THAP3: variants seen among roughly 807,000 people sequenced by gnomAD.
THAP3 encodes THAP domain-containing protein 3.
A neutral mutation model predicts 17.7 loss-of-function variants in THAP3; 12 were observed. The ratio of observed to expected loss-of-function variants is 0.68; its 90% CI spans 0.43 to 1.10. The LOEUF is 1.10. Ranked by LOEUF, THAP3 falls within the 50% of genes least tolerant of loss-of-function variation. THAP3 has a pLI of 0.00. For missense variants in THAP3, 289 were observed against 318.0 expected, an observed-to-expected ratio of 0.91 and a Z score of 0.69; for synonymous variants, 133 against 126.9, an observed-to-expected ratio of 1.05 and a Z score of -0.32.
intron 2 of THAP3, among the ~76,000 whole-genome samples, chr1:6,627,420 A>G (rs372556025): frequency 1.4e-3 from 212 of 152,340 alleles, no homozygotes; most frequent in African/African-American, 4.9e-3. Flanking sequence ...GGTGGAGTGC[A>G]GTGGCGCAGT....
Position 6,632,827 on chromosome 1 carries a change from C to T in THAP3, c.470C>T (p.Ala157Val). 2 of 1,612,976 alleles carry T rather than the reference C, an allele frequency of 1.2e-6. No individual in the cohort carries two copies. The highest frequency in any genetic ancestry group is 2.2e-5 in the South Asian group (2 of 91,090). ...VSPRRPQATEAVGRPTGPAGL... is the reference protein window; with the variant it reads ...VSPRRPQATEVVGRPTGPAGL... ...CCACGGAGGCCGCAAGCAACAGAGG[C>T]TGTTGGCCGGCCGACTGGCCCTGCA... The change falls in exon 6 of 6, where the codon GCT becomes GTT. Residue 157 changes from alanine to valine, a missense_variant. Coordinates refer to ENST00000054650, the MANE Select transcript of THAP3 (RefSeq NM_001195753.2).
Position 6,630,133 on chromosome 1 carries a change from G to A in THAP3, c.268-155G>A, listed in dbSNP as rs557556275. Among the ~76,000 whole-genome samples the A allele has an allele frequency of 1.1e-4, 17 of 152,378 alleles. No individual in the cohort carries two copies. The East Asian group carries it at 3.1e-3, about 28-fold the overall frequency. ...GAAGCGCACCAAGCGGGCAGTGTGA[G>A]TTGGGCTGAGCTTCAGGTCAGTTTC... On this transcript the variant is annotated intron_variant, in intron 3 of 5. Coordinates refer to ENST00000054650, the MANE Select transcript of THAP3 (RefSeq NM_001195753.2).
intron 2 of THAP3, 200 bp from the exon 3 acceptor site, chr1:6,628,299 T>G: frequency 1.9e-6 from 1 of 529,266 alleles, no homozygotes. Context: ...GCCATGCTCG[T>G]GGTCTCGGGT....
intron 3 of THAP3, among the ~76,000 whole-genome samples, chr1:6,629,910 C>T (rs905146495): frequency 6.6e-6 from 1 of 152,170 alleles, no homozygotes; most frequent in Non-Finnish European, 1.5e-5. Flanking sequence ...GTGGGCCCCA[C>T]CCCAGTGTGG....
In THAP3 at chr1:6,631,054, C is replaced by G. The variant is rs552411294; in HGVS notation, c.333+701C>G. Among the ~76,000 whole-genome samples, 9 of 152,122 alleles carry G rather than the reference C, an allele frequency of 5.9e-5. No individual in the cohort carries two copies. The East Asian group carries it at 1.7e-3, about 29-fold the overall frequency. On this transcript the variant is annotated intron_variant, in intron 4 of 5. Transcript: ENST00000054650. The stretch of plus-strand genomic sequence containing the variant: ...AGGGTCTCACTCTGTTGCTCAGGCT[C>G]TGTACAGTGGTGCAGTCATGGCTCG...
At chr1:6,625,785 T>C (rs1212199568) in intron 2 of THAP3, among the ~76,000 whole-genome samples, 5 of 151,912 alleles carry the variant, frequency 3.3e-5, no homozygotes, top group Admixed American at 2.6e-4. Flanking sequence ...CAATCGTCAT[T>C]AGTCACAGTT....
chr1:6,634,112 G>A (rs914010678), downstream of THAP3: 1 of 1,605,908 alleles, frequency 6.2e-7, no homozygotes, highest in Non-Finnish European at 8.5e-7. Context: ...GGCCTCTGGG[G>A]AAGGGGTTCC....
chr1:6,632,609 A>C, intron 5 of THAP3, 114 bp downstream of exon 5: 1 of 1,510,212 alleles, frequency 6.6e-7, no homozygotes, highest in Non-Finnish European at 9.0e-7. Flanking sequence ...CAGGGTGTGC[A>C]GCCTGGGTTT....
chr1:6,633,415 T>C lies in THAP3; in HGVS notation c.*338T>C. 1.7e-6 allele frequency: 2 copies of C among 1,192,300 alleles called. No individual in the cohort carries two copies. Among genetic ancestry groups the C allele is most frequent in the Non-Finnish European group, 2.1e-6 (2 of 952,796 alleles). The allele number at this position is 1,192,300 out of a possible 1,614,324, so 73.9% of individuals were successfully genotyped here. Reference sequence around the variant, plus strand: ...GAAGCCCCAGTGTGGGAGATGCTCCTCAGGGAGGAAGCCATGTGAGGGGGC... The same window carrying C: ...GAAGCCCCAGTGTGGGAGATGCTCCCCAGGGAGGAAGCCATGTGAGGGGGC... On this transcript the variant is annotated 3_prime_UTR_variant, in exon 6 of 6. Coordinates refer to ENST00000054650, the MANE Select transcript of THAP3 (RefSeq NM_001195753.2).
downstream of THAP3, chr1:6,634,735 T>C (rs754380085): frequency 1.3e-5 from 18 of 1,357,346 alleles, no homozygotes; most frequent in South Asian, 2.1e-4. Flanking sequence ...CAGGCCCTGG[T>C]GTTCCTGTGA....
In THAP3 at chr1:6,625,297, G is replaced by C; in HGVS notation, c.74+5G>C. The C allele has an allele frequency of 2.0e-6, 3 of 1,534,384 alleles. No homozygotes were observed. The highest frequency in any genetic ancestry group is 1.8e-6 in the Non-Finnish European group (2 of 1,142,594). On this transcript the variant is annotated splice_donor_5th_base_variant and intron_variant, in intron 2 of 5. Transcript: ENST00000054650. ...GAAGCAGCTCACCTTCCACCGGTAA[G>C]AGGCGGGGACCCGGGGGCGCGGGAG... is the stretch of plus-strand genomic sequence containing the variant.
At chr1:6,626,701 C>G (rs1226792321) in intron 2 of THAP3, among the ~76,000 whole-genome samples, 1 of 152,164 alleles carries the variant, frequency 6.6e-6, no homozygotes, top group Non-Finnish European at 1.5e-5. Flanking sequence ...CAAAAATTAC[C>G]CGGGCGTGGT....
intron 4 of THAP3, 99 bp from the exon 5 acceptor site, chr1:6,632,292 T>G: frequency 6.6e-7 from 1 of 1,523,158 alleles, no homozygotes; most frequent in Non-Finnish European, 8.9e-7. Flanking sequence ...CTGGAGCTGG[T>G]CCCTGGCTGT....
At chr1:6,634,007 AT>A (rs1641702368), downstream of THAP3, 2 of 1,612,124 alleles carry the variant, frequency 1.2e-6, no homozygotes, top group Non-Finnish European at 1.7e-6. Context: ...CTTGGGGTCT[AT>A]TTATTTCTCA....
Position 6,633,342 on chromosome 1 carries a change from C to T in THAP3, c.*265C>T. The T allele has an allele frequency of 2.9e-6, 4 of 1,360,724 alleles. No homozygotes were observed. Among genetic ancestry groups the T allele is most frequent in the Non-Finnish European group, 3.8e-6 (4 of 1,054,264 alleles). 84.3% of individuals were successfully genotyped at this position (1,360,724 alleles called of 1,614,324 possible). A position where few individuals can be genotyped will look rare whatever the true frequency, so the allele number is the denominator to read the frequency against. On this transcript the variant is annotated 3_prime_UTR_variant, in exon 6 of 6. Coordinates refer to ENST00000054650, the MANE Select transcript of THAP3 (RefSeq NM_001195753.2). ...ATGGTAACAGAAGTCCAGGCTGAGGCTGATTCTGGACGCTGTCCTTTCAGC... is the reference window on the plus strand; with the variant it reads ...ATGGTAACAGAAGTCCAGGCTGAGGTTGATTCTGGACGCTGTCCTTTCAGC...
chr1:6,633,960 G>C, downstream of THAP3: 1 of 1,474,416 alleles, frequency 6.8e-7, no homozygotes, highest in Middle Eastern at 1.8e-4. Flanking sequence ...TATAGCTTTA[G>C]TGAATTAAAG....
intron 4 of THAP3, among the ~76,000 whole-genome samples, chr1:6,631,218 T>C (rs1641605044): frequency 6.6e-6 from 1 of 151,238 alleles, no homozygotes; most frequent in Non-Finnish European, 1.5e-5. Flanking sequence ...GGTCTTGCTA[T>C]CTTGCCCAGT....
chr1:6,628,351 A>G, intron 2 of THAP3, 148 bp from the exon 3 acceptor site: 1 of 669,646 alleles, frequency 1.5e-6, no homozygotes, highest in Non-Finnish European at 2.4e-6. Flanking sequence ...AGAAGCTTCC[A>G]GAAATTAGAT....
At chr1:6,629,431 C>G (rs1641549201) in intron 3 of THAP3, among the ~76,000 whole-genome samples, 1 of 152,204 alleles carries the variant, frequency 6.6e-6, no homozygotes, top group Non-Finnish European at 1.5e-5. Flanking sequence ...AGCCCCTGCC[C>G]CATCTGTCCT....
Sources: gnomAD v4.1 joint callset for allele counts (sites outside exome capture counted in the v4.1 genomes callset) on GRCh38, gnomAD v4.1.1 for gene constraint, MANE v1.5 for transcripts, NCBI Gene and HGNC (gene_info 2026-07-23, HGNC 2026-07-21) for gene names.